TFDP2: variants seen among roughly 807,000 people sequenced by gnomAD.
The protein encoded by TFDP2 is transcription factor Dp-2 (E2F dimerization partner 2).
A neutral mutation model predicts 59.3 loss-of-function variants in TFDP2; 17 were observed. The observed-to-expected ratio is 0.29, with a 90% CI of 0.20 to 0.43. The LOEUF (loss-of-function observed/expected upper bound fraction) is 0.43, where lower values mean the gene tolerates loss of function less well. Ranked by LOEUF, TFDP2 falls within the 20% of genes least tolerant of loss-of-function variation. The pLI is 1.00. For missense variants in TFDP2, 391 were observed against 528.8 expected (o/e 0.74, Z 2.56); for synonymous variants, 180 against 194.7 (o/e 0.92, Z 0.63).
At chr3:142,051,223 T>C (rs1186825180) in intron 3 of TFDP2, among the ~76,000 whole-genome samples, 1 of 152,122 alleles carries the variant, frequency 6.6e-6, no homozygotes, top group Non-Finnish European at 1.5e-5. Context: ...CCTTCCTGCC[T>C]ACCCCCCAAG....
Position 141,952,993 on chromosome 3 carries a change from A to C in TFDP2, c.1075T>G (p.Leu359Val). 1 of 1,614,092 alleles carries C rather than the reference A, an allele frequency of 6.2e-7. No individual in the cohort carries two copies. The highest frequency in any genetic ancestry group is 8.5e-7 in the Non-Finnish European group (1 of 1,179,964). Residue 359 changes from leucine (L) to valine (V), a missense_variant, in exon 12 of 13, where the codon TTA becomes GTA. By Grantham distance (32) the Leu-to-Val change is conservative. Around this residue, in one of 3 missense-constraint regions of TFDP2, gnomAD observed 223 missense variants for 292.5 expected, o/e 0.76. Coordinates refer to ENST00000489671, the MANE Select transcript of TFDP2 (RefSeq NM_001178139.2). ...GAGTTCAGAAGTAGTCCCTGATTTAACCAAGAAGGTCCTGTGGAGATATCT... is the reference window on the plus strand; with the variant it reads ...GAGTTCAGAAGTAGTCCCTGATTTACCCAAGAAGGTCCTGTGGAGATATCT... ...ITDISTGPSW[L>V]NQGLLLNSTQ...
chr3:142,038,383 C>CAAAAAAAAA (rs1184364752), intron 3 of TFDP2, among the ~76,000 whole-genome samples: 4 of 41,396 alleles, frequency 9.7e-5, no homozygotes, highest in Admixed American at 2.6e-4. Flanking sequence ...GACTCCATCT[C>CAAAAAAAAA]AAAAAAAAAA....
chr3:142,143,090 G>A (rs2063022982), intron 1 of TFDP2, among the ~76,000 whole-genome samples: 1 of 152,144 alleles, frequency 6.6e-6, no homozygotes, highest in Non-Finnish European at 1.5e-5. Flanking sequence ...ACAAAAATTA[G>A]CCAGGCATGG....
At chr3:141,961,248 T>TG (rs1255021715) in intron 10 of TFDP2, among the ~76,000 whole-genome samples, 1 of 143,370 alleles carries the variant, frequency 7.0e-6, no homozygotes, top group Non-Finnish European at 1.5e-5. Context: ...TTTTTTTTTT[T>TG]TTTTTTTTTT....
chr3:142,080,665 A>G (rs1338336109), intron 3 of TFDP2, among the ~76,000 whole-genome samples: 2 of 152,240 alleles, frequency 1.3e-5, no homozygotes, highest in African/African-American at 2.4e-5. Flanking sequence ...ATTCCATGAC[A>G]ATGGAAACCA....
intron 3 of TFDP2, among the ~76,000 whole-genome samples, chr3:142,066,445 T>C (rs1040985874): frequency 1.3e-5 from 2 of 152,214 alleles, no homozygotes; most frequent in Non-Finnish European, 2.9e-5. Flanking sequence ...TCAGAATACT[T>C]ACATTAGCCT....
At chr3:142,016,408 C>T (rs1202439740) in intron 3 of TFDP2, among the ~76,000 whole-genome samples, 2 of 151,982 alleles carry the variant, frequency 1.3e-5, no homozygotes, top group Non-Finnish European at 1.5e-5. Flanking sequence ...AAGCAATTCT[C>T]CTGCCTCAGC....
At chr3:142,014,089 T>C (rs144028353) in intron 3 of TFDP2, among the ~76,000 whole-genome samples, 2,212 of 152,302 alleles carry the variant, frequency 0.015, 28 homozygotes, top group South Asian at 0.043. Context: ...GTATATCCCA[T>C]ATATACAGGG....
intron 6 of TFDP2, among the ~76,000 whole-genome samples, chr3:141,992,844 A>G (rs888393795): frequency 4.6e-5 from 7 of 152,216 alleles, no homozygotes; most frequent in African/African-American, 1.4e-4. Context: ...ACAGCAAATC[A>G]GAGATAGCAA....
chr3:142,061,059 T>C (rs2059901702), intron 3 of TFDP2, among the ~76,000 whole-genome samples: 1 of 152,214 alleles, frequency 6.6e-6, no homozygotes, highest in African/African-American at 2.4e-5. Flanking sequence ...GGTACCATAT[T>C]ACAGGACACT....
At chr3:142,148,189 A>G (rs900593564) in intron 1 of TFDP2, among the ~76,000 whole-genome samples, 5 of 151,716 alleles carry the variant, frequency 3.3e-5, no homozygotes, top group African/African-American at 7.3e-5. Context: ...GAGACAGGGG[A>G]AGGAGAAGGC....
In TFDP2 at chr3:142,019,652, C is replaced by CT. The variant is rs1945439342; in HGVS notation, c.83-14109_83-14108insA. 2.0e-5 allele frequency among the ~76,000 whole-genome samples: 3 copies of CT among 150,736 alleles called. No homozygotes were observed. In the South Asian group the frequency reaches 6.3e-4, roughly 32 times the overall value. ...ATACTAAGATTATATTAAACACCCCCCCCAACATCTTCTTATACAATTTTA... is the reference window on the plus strand; with the variant it reads ...ATACTAAGATTATATTAAACACCCCCTCCCAACATCTTCTTATACAATTTTA... On this transcript the variant is annotated intron_variant, in intron 3 of 12. Coordinates refer to ENST00000489671, the MANE Select transcript of TFDP2 (RefSeq NM_001178139.2).
intron 10 of TFDP2, 119 bp from the exon 11 acceptor site, chr3:141,959,959 G>A: frequency 1.0e-6 from 1 of 952,406 alleles, no homozygotes; most frequent in Middle Eastern, 2.7e-4. Flanking sequence ...GCTAGAAATT[G>A]CTACCATTTA....
intron 1 of TFDP2, among the ~76,000 whole-genome samples, chr3:142,110,014 A>G (rs975217200): frequency 7.9e-5 from 12 of 151,996 alleles, no homozygotes; most frequent in Non-Finnish European, 1.5e-5. Context: ...AGTCGTTGGG[A>G]CTACAGGTGC....
At chr3:142,107,285 G>A (rs2108660248) in intron 1 of TFDP2, among the ~76,000 whole-genome samples, 1 of 149,840 alleles carries the variant, frequency 6.7e-6, no homozygotes, top group East Asian at 2.0e-4. Flanking sequence ...AGGCTGGAGT[G>A]CAGTTGCTCA....
intron 8 of TFDP2, among the ~76,000 whole-genome samples, chr3:141,973,123 A>ATTTTTTTTTTTTT (rs761950988): frequency 6.9e-5 from 4 of 58,014 alleles, no homozygotes; most frequent in Non-Finnish European, 7.4e-5. Context: ...ATATATATAT[A>ATTTTTTTTTTTTT]TTTTTTTTTT....
intron 1 of TFDP2, among the ~76,000 whole-genome samples, chr3:142,123,325 G>A (rs922353979): frequency 3.9e-5 from 6 of 151,942 alleles, no homozygotes; most frequent in Admixed American, 1.3e-4. Context: ...TAGTAGAGAC[G>A]GGGTTTCACC....
At chr3:141,973,124 T>TATATATATATATATATATATATATATATA (rs1553761667) in intron 8 of TFDP2, among the ~76,000 whole-genome samples, 3 of 55,346 alleles carry the variant, frequency 5.4e-5, no homozygotes, top group African/African-American at 2.1e-4. Flanking sequence ...TATATATATA[T>TATATATATATATATATATATATATATATA]TTTTTTTTTT....
At chr3:142,013,139 A>AAAAT (rs979504535) in intron 3 of TFDP2, among the ~76,000 whole-genome samples, 3 of 152,276 alleles carry the variant, frequency 2.0e-5, no homozygotes, top group East Asian at 1.9e-4. Context: ...CTCCATCTTA[A>AAAAT]AAATAAATAA....
Sources: gnomAD v4.1 joint callset for allele counts (sites outside exome capture counted in the v4.1 genomes callset) on GRCh38, gnomAD v4.1.1 for gene constraint, gnomAD v4.1.1 regional missense constraint, MANE v1.5 for transcripts, NCBI Gene and HGNC (gene_info 2026-07-23, HGNC 2026-07-21) for gene names.